The following DNAJC28 variants were observed in gnomAD, a reference collection of about 807,000 sequenced individuals.
The protein encoded by DNAJC28 is DnaJ heat shock protein family (Hsp40) member C28, also known as dnaJ homolog subfamily C member 28.
DNAJC28 carries 24 observed loss-of-function variants against 33.3 expected under a neutral mutation model. That is an observed-to-expected ratio of 0.72 (90% CI 0.52 to 1.01). DNAJC28 has a LOEUF of 1.01. DNAJC28 is among the 50% of genes least tolerant of loss of function. The probability of loss-of-function intolerance (pLI) is 0.00; values close to 1 mark genes in which losing one functional copy is unlikely to be tolerated. For synonymous variants in DNAJC28, 120 were observed against 147.2 expected (o/e 0.82, Z 1.34); for missense variants, 442 against 455.2 (o/e 0.97, Z 0.26).
In DNAJC28 at chr21:33,488,448, A is replaced by G; in HGVS notation, c.946T>C (p.Leu316=). Residue 316 remains leucine, a synonymous_variant, in exon 2 of 2, where the codon TTA becomes CTA. Transcript: ENST00000381947. ...KLNKRINDFN[L]IVPILTRQKV... ...TGCCTGGTCAGGATGGGAACAATTAAATTAAAATCATTAATTCGCTTGTTT... is the reference window on the plus strand; with the variant it reads ...TGCCTGGTCAGGATGGGAACAATTAGATTAAAATCATTAATTCGCTTGTTT... The G allele has an allele frequency of 6.4e-7, 1 of 1,559,356 alleles. No individual in the cohort carries two copies. Among genetic ancestry groups the G allele is most frequent in the Non-Finnish European group, 8.7e-7 (1 of 1,149,536 alleles).
Position 33,488,536 on chromosome 21 carries a change from T to G in DNAJC28, c.858A>C (p.Thr286=). The change falls in exon 2 of 2, where the codon ACA becomes ACC. Residue 286 remains threonine (T), a synonymous_variant. Coordinates refer to ENST00000381947, the MANE Select transcript of DNAJC28 (RefSeq NM_001040192.3). ...GGTTCCACTGTTTCTTTTCAGTTGG[T>G]GTCATTGGATTCCCAAGTTTTTTCC... is the stretch of plus-strand genomic sequence containing the variant. The part of the protein sequence containing the change: ...VSRKKLGNPM[T]PTEKKQWNHV... 1 of 1,613,300 alleles carries G rather than the reference T, an allele frequency of 6.2e-7. No homozygotes were observed. Among genetic ancestry groups the G allele is most frequent in the Non-Finnish European group, 8.5e-7 (1 of 1,179,860 alleles).
rs147358478 is a variant in DNAJC28, at chr21:33,488,892, C to A, written c.502G>T (p.Glu168Ter). 314 of 1,610,778 alleles carry A rather than the reference C, an allele frequency of 1.9e-4. No individual in the cohort carries two copies. The highest frequency in any genetic ancestry group is 2.6e-4 in the Non-Finnish European group (311 of 1,179,454). The change falls in exon 2 of 2, where the codon GAA becomes TAA. Residue 168 changes from glutamate to a stop codon, truncating the protein, a stop_gained. Coordinates refer to ENST00000381947, the MANE Select transcript of DNAJC28 (RefSeq NM_001040192.3). LOFTEE classifies it high-confidence loss of function. ...CTTTGTAGTTTCTGCTTTTGATATT[C>A]CATCACTTGTTCAGCAGCACGGTCT... is the stretch of plus-strand genomic sequence containing the variant. ...RADRAAEQVM[E>*]YQKQKLQSQY...
chr21:33,488,739 T>C lies in DNAJC28; in HGVS notation c.655A>G (p.Asn219Asp). 1 of 1,611,730 alleles carries C rather than the reference T, an allele frequency of 6.2e-7. No homozygotes were observed. ...AGAGGTTTTCCTTTCCCACTGAGAT[T>C]GTCAAAGTCTCCTTTTGCCATGGAT... ...QESMAKGDFD[N>D]LSGKGKPLKK... The change falls in exon 2 of 2, where the codon AAT (asparagine) becomes GAT (aspartate). Residue 219 changes from asparagine to aspartate, a missense_variant. Transcript: ENST00000381947.
chr21:33,489,470 G>A (rs573142003), intron 1 of DNAJC28, 46 bp from the exon 2 acceptor site: 17 of 1,033,862 alleles, frequency 1.6e-5, no homozygotes, highest in East Asian at 1.6e-4. Flanking sequence ...TGTATTATCA[G>A]TTAATTTCTT....
rs754237121 is a variant in DNAJC28 at position 33,488,409 on chromosome 21, C to G, written c.985G>C (p.Asp329His). Residue 329 changes from aspartate to histidine, a missense_variant, in exon 2 of 2, where the codon GAT becomes CAT. Physicochemically the swap from Asp to His is moderately conservative, Grantham distance 81 (BLOSUM62 -1). Transcript: ENST00000381947. ...GCTCTGACAATTTCTTTCTGAGCAT[C>G]AAAATGGACTTTTTGCCTGGTCAGG... ...PILTRQKVHF[D>H]AQKEIVRAQK... The G allele has an allele frequency of 1.9e-6, 3 of 1,590,156 alleles. No homozygotes were observed. The highest frequency in any genetic ancestry group is 1.9e-5 in the Admixed American group (1 of 53,042).
At chr21:33,491,317 A>T (rs1169439759) in intron 1 of DNAJC28, 1 of 152,140 alleles carries the variant, frequency 6.6e-6, no homozygotes, top group East Asian at 1.9e-4. Context: ...AGCTCCTGAG[A>T]CCCCCTATTT....
In DNAJC28 at chr21:33,489,088, C is replaced by T; in HGVS notation, c.306G>A (p.Val102=). Reference sequence around the variant, plus strand: ...TTGTTTGTTCTATCACATGGGAGAGCACCTTTCTATAAGCTTTTTCAATCC... The same window carrying T: ...TTGTTTGTTCTATCACATGGGAGAGTACCTTTCTATAAGCTTTTTCAATCC... ...FIRIEKAYRK[V]LSHVIEQTNA... The change falls in exon 2 of 2, where the codon GTG becomes GTA. Residue 102 remains valine (V), a synonymous_variant. Coordinates refer to ENST00000381947, the MANE Select transcript of DNAJC28 (RefSeq NM_001040192.3). 6.2e-7 allele frequency: 1 copy of T among 1,613,902 alleles called. No individual in the cohort carries two copies. The highest frequency in any genetic ancestry group is 1.1e-5 in the South Asian group (1 of 91,030).
rs1451773718 is a variant in DNAJC28 at position 33,488,266 on chromosome 21, C to G, written c.1128G>C (p.Trp376Cys). The G allele has an allele frequency of 1.3e-6, 2 of 1,523,292 alleles. No homozygotes were observed. The highest frequency in any genetic ancestry group is 2.8e-5 in the African/African-American group (2 of 71,420). 94.4% of individuals were successfully genotyped at this position (1,523,292 alleles called of 1,614,324 possible). ...TPEIKKGFLN[W>C]MNLWKFIKIR... ...TTTTAATAAATTTCCACAGATTCAT[C>G]CAGTTTAAAAAACCTTTCTTGATTT... is the stretch of plus-strand genomic sequence containing the variant. The change falls in exon 2 of 2, where the codon TGG becomes TGC. Residue 376 changes from tryptophan to cysteine, a missense_variant. Transcript: ENST00000381947.
chr21:33,488,536 T>TGTCA lies in DNAJC28; in HGVS notation c.854_857dup (p.Pro287AspfsTer4). 1 of 1,613,300 alleles carries TGTCA rather than the reference T, an allele frequency of 6.2e-7. No individual in the cohort carries two copies. Among genetic ancestry groups the TGTCA allele is most frequent in the Non-Finnish European group, 8.5e-7 (1 of 1,179,860 alleles). ...GGTTCCACTGTTTCTTTTCAGTTGG[T>TGTCA]GTCATTGGATTCCCAAGTTTTTTCC... On this transcript the variant is annotated frameshift_variant, in exon 2 of 2. Coordinates refer to ENST00000381947, the MANE Select transcript of DNAJC28 (RefSeq NM_001040192.3). LOFTEE classifies it high-confidence loss of function.
At chr21:33,489,455 A>G (rs1269140414) in intron 1 of DNAJC28, 31 bp from the exon 2 acceptor site, 1 of 1,172,954 alleles carries the variant, frequency 8.5e-7, no homozygotes, top group Non-Finnish European at 1.2e-6. Flanking sequence ...TAGGTTGAAC[A>G]AAGTTGTATT....
At chr21:33,489,567 C>CTTTTTTTTTTT (rs769632462) in intron 1 of DNAJC28, 143 bp from the exon 2 acceptor site, 1 of 324,114 alleles carries the variant, frequency 3.1e-6, no homozygotes, top group African/African-American at 2.4e-5. Flanking sequence ...CAACTTTTTC[C>CTTTTTTTTTTT]TTTTTTTTTT....
Position 33,489,275 on chromosome 21 carries a change from A to G in DNAJC28, c.119T>C (p.Met40Thr), listed in dbSNP as rs775381087. Residue 40 changes from methionine to threonine, a missense_variant, in exon 2 of 2, where the codon ATG (methionine) becomes ACG (threonine). Coordinates refer to ENST00000381947, the MANE Select transcript of DNAJC28 (RefSeq NM_001040192.3). Reference protein sequence around the residue: ...PYFGIIRNRMMSTHKSKKKIR... With the variant: ...PYFGIIRNRMTSTHKSKKKIR... ...CTTCTTTTTGGATTTATGGGTTGAC[A>G]TCATTCTATTTCTAATGATACCAAA... is the stretch of plus-strand genomic sequence containing the variant. The G allele has an allele frequency of 6.2e-7, 1 of 1,603,154 alleles. No individual in the cohort carries two copies. The highest frequency in any genetic ancestry group is 1.3e-5 in the African/African-American group (1 of 74,394).
chr21:33,489,090 C>T lies in DNAJC28; in HGVS notation c.304G>A (p.Val102Met). 6.2e-7 allele frequency: 1 copy of T among 1,613,916 alleles called. No individual in the cohort carries two copies. Among genetic ancestry groups the T allele is most frequent in the Non-Finnish European group, 8.5e-7 (1 of 1,179,982 alleles). Reference sequence around the variant, plus strand: ...GTTTGTTCTATCACATGGGAGAGCACCTTTCTATAAGCTTTTTCAATCCTT... The same window carrying T: ...GTTTGTTCTATCACATGGGAGAGCATCTTTCTATAAGCTTTTTCAATCCTT... The part of the protein sequence containing the change: ...FIRIEKAYRK[V>M]LSHVIEQTNA... The change falls in exon 2 of 2, where the codon GTG becomes ATG. Residue 102 changes from valine (V) to methionine (M), a missense_variant. Coordinates refer to ENST00000381947, the MANE Select transcript of DNAJC28 (RefSeq NM_001040192.3).
At position 33,489,017 on chromosome 21, in the gene DNAJC28, A is replaced by G. The variant is rs1353617768; in HGVS notation, c.377T>C (p.Phe126Ser). 6.2e-7 allele frequency: 1 copy of G among 1,612,248 alleles called. No homozygotes were observed. Among genetic ancestry groups the G allele is most frequent in the Non-Finnish European group, 8.5e-7 (1 of 1,179,664 alleles). Residue 126 changes from phenylalanine to serine, a missense_variant, in exon 2 of 2, where the codon TTC becomes TCC. Coordinates refer to ENST00000381947, the MANE Select transcript of DNAJC28 (RefSeq NM_001040192.3). Reference sequence around the variant, plus strand: ...TCGGTGTTGGGGTGTTTTATATTTGAATTTTTCTACATCTTCTTCTTCTTC... The same window carrying G: ...TCGGTGTTGGGGTGTTTTATATTTGGATTTTTCTACATCTTCTTCTTCTTC... ...KGEEEEDVEK[F>S]KYKTPQHRHY...
At chr21:33,490,214 T>C (rs1400813420) in intron 1 of DNAJC28, among the ~76,000 whole-genome samples, 1 of 151,160 alleles carries the variant, frequency 6.6e-6, no homozygotes, top group African/African-American at 2.4e-5. Context: ...GTTCAAGCGA[T>C]TCTCCTGCCT....
In DNAJC28 at chr21:33,489,567, C is replaced by CTTTTTT. The variant is rs769632462; in HGVS notation, c.-31-149_-31-144dup. 217 of 359,526 alleles carry CTTTTTT rather than the reference C, an allele frequency of 6.0e-4. 1 individual carries two copies. The highest frequency in any genetic ancestry group is 4.2e-3 in the African/African-American group (179 of 42,642). The allele number at this position is 359,526 out of a possible 1,614,324, so 22.3% of individuals were successfully genotyped here. Reference sequence around the variant, plus strand: ...TTTGAATGCTGCTGTCAACTTTTTCCTTTTTTTTTTTTTTTTGAGACAGAG... The same window carrying CTTTTTT: ...TTTGAATGCTGCTGTCAACTTTTTCCTTTTTTTTTTTTTTTTTTTTTTGAGACAGAG... On this transcript the variant is annotated intron_variant, in intron 1 of 1. Coordinates refer to ENST00000381947, the MANE Select transcript of DNAJC28 (RefSeq NM_001040192.3).
At chr21:33,491,269 G>C (rs1318874339) in intron 1 of DNAJC28, 1 of 152,252 alleles carries the variant, frequency 6.6e-6, no homozygotes, top group Non-Finnish European at 1.5e-5. Context: ...TACTGGAAGT[G>C]GCTTAATTGG....
chr21:33,490,097 T>A (rs2084508538), intron 1 of DNAJC28, among the ~76,000 whole-genome samples: 1 of 149,338 alleles, frequency 6.7e-6, no homozygotes, highest in South Asian at 2.1e-4. Flanking sequence ...CCAGCCACAT[T>A]CTTTTTTCTT....
chr21:33,489,496 G>A (rs1015092771), intron 1 of DNAJC28, 72 bp from the exon 2 acceptor site: 24 of 781,886 alleles, frequency 3.1e-5, no homozygotes, highest in Non-Finnish European at 4.4e-5. Flanking sequence ...CAGCAATAAG[G>A]TAAAAGATAC....
Sources: allele counts gnomAD v4.1 joint callset (sites outside exome capture counted in the v4.1 genomes callset), GRCh38; gene constraint gnomAD v4.1.1; transcripts MANE v1.5; gene names NCBI Gene and HGNC (gene_info 2026-07-23, HGNC 2026-07-21).